Variants in ECT2 observed in about 807,000 individuals in gnomAD.
The protein encoded by ECT2 is protein ECT2.
In ECT2, 61 loss-of-function variants were observed where a neutral mutation model predicts 116.9. The observed-to-expected ratio is 0.52, with a 90% CI of 0.42 to 0.65. The LOEUF (loss-of-function observed/expected upper bound fraction) is 0.65. ECT2 is among the 30% of genes least tolerant of loss of function. ECT2 has a pLI of 0.00. For synonymous variants in ECT2, 358 were observed against 346.4 expected, an observed-to-expected ratio of 1.03 and a Z score of -0.37; for missense variants, 937 against 1,078.7, an observed-to-expected ratio of 0.87 and a Z score of 1.84.
chr3:172,772,440 C>T (rs1230531179), intron 13 of ECT2, among the ~76,000 whole-genome samples: 1 of 152,190 alleles, frequency 6.6e-6, no homozygotes. Context: ...TCGCGATCCG[C>T]CCACCTCGGC....
rs1717939728 is a variant in ECT2 at position 172,760,140 on chromosome 3, T to A, written c.577-16T>A. 1 of 1,567,478 alleles carries A rather than the reference T, an allele frequency of 6.4e-7. No individual in the cohort carries two copies. The highest frequency in any genetic ancestry group is 1.4e-5 in the African/African-American group (1 of 73,338). On this transcript the variant is annotated splice_polypyrimidine_tract_variant and intron_variant, in intron 6 of 24. Coordinates refer to ENST00000392692, the MANE Select transcript of ECT2 (RefSeq NM_001258315.2). The stretch of plus-strand genomic sequence containing the variant: ...AATTAACCATAAAGTCAGTGTTGCT[T>A]AATTTTTCTTTTGAGGTCAGGTTGG...
At position 172,754,591 on chromosome 3, in the gene ECT2, A is replaced by C. The variant is rs753599055; in HGVS notation, c.61A>C (p.Ile21Leu). Residue 21 changes from isoleucine to leucine, a missense_variant, in exon 2 of 25, where the codon ATT (isoleucine) becomes CTT (leucine). Coordinates refer to ENST00000392692, the MANE Select transcript of ECT2 (RefSeq NM_001258315.2). ...GAGGACTAGCTTGGCAGACTCTTCC[A>C]TTTTTGATTCTAAAGTTACTGAGAT... Reference protein sequence around the residue: ...TGRTSLADSSIFDSKVTEISK... With the variant: ...TGRTSLADSSLFDSKVTEISK... 1 of 1,611,894 alleles carries C rather than the reference A, an allele frequency of 6.2e-7. No individual in the cohort carries two copies. The highest frequency in any genetic ancestry group is 8.5e-7 in the Non-Finnish European group (1 of 1,178,714).
At chr3:172,751,192 C>T (rs1264774747) in intron 1 of ECT2, 1 of 152,336 alleles carries the variant, frequency 6.6e-6, no homozygotes, top group East Asian at 1.9e-4. Flanking sequence ...CCGGCACTTG[C>T]AGCCTTTGGG....
intron 21 of ECT2, among the ~76,000 whole-genome samples, chr3:172,807,329 G>C (rs561267631): frequency 6.6e-6 from 1 of 152,196 alleles, no homozygotes; most frequent in African/African-American, 2.4e-5. Context: ...TTTTCGGTCA[G>C]CAGTTGATTG....
At chr3:172,825,573 C>T (rs1259529147), downstream of ECT2, among the ~76,000 whole-genome samples, 1 of 152,108 alleles carries the variant, frequency 6.6e-6, no homozygotes, top group Admixed American at 6.5e-5. Flanking sequence ...TTTGAATGGT[C>T]TAGAGAGAAG....
intron 2 of ECT2, 32 bp from the exon 3 acceptor site, chr3:172,755,263 G>A (rs1716730841): frequency 6.5e-7 from 1 of 1,530,952 alleles, no homozygotes; most frequent in Non-Finnish European, 8.9e-7. Context: ...GTTAATACAT[G>A]ATAAACATTG....
intron 15 of ECT2, among the ~76,000 whole-genome samples, 198 bp from the exon 16 acceptor site, chr3:172,783,601 A>G (rs142380562): frequency 6.6e-6 from 1 of 152,150 alleles, no homozygotes; most frequent in East Asian, 1.9e-4. Context: ...ATGTATACCA[A>G]TTGATGTATT....
intron 11 of ECT2, 37 bp downstream of exon 11, chr3:172,763,009 C>A: frequency 6.3e-7 from 1 of 1,596,514 alleles, no homozygotes; most frequent in Non-Finnish European, 8.6e-7. Context: ...GTTCTGTGAG[C>A]TTGATTGTTT....
At chr3:172,768,901 C>T in intron 12 of ECT2, 106 bp from the exon 13 acceptor site, 1 of 1,269,174 alleles carries the variant, frequency 7.9e-7, no homozygotes, top group Non-Finnish European at 1.1e-6. Flanking sequence ...TATGGTGGTA[C>T]ATTTATAAGA....
At chr3:172,765,920 G>T (rs184421949) in intron 12 of ECT2, among the ~76,000 whole-genome samples, 1 of 152,114 alleles carries the variant, frequency 6.6e-6, no homozygotes, top group Non-Finnish European at 1.5e-5. Context: ...GGAAATCTGC[G>T]TGGATTGTCT....
intron 18 of ECT2, among the ~76,000 whole-genome samples, chr3:172,794,061 T>C (rs1453964124): frequency 1.3e-5 from 2 of 152,180 alleles, no homozygotes; most frequent in African/African-American, 4.8e-5. Context: ...TGTTTTTTTC[T>C]TTTGACAATT....
chr3:172,766,079 C>T (rs1419069559), intron 12 of ECT2, among the ~76,000 whole-genome samples: 1 of 152,120 alleles, frequency 6.6e-6, no homozygotes, highest in African/African-American at 2.4e-5. Flanking sequence ...AGAAAATGAA[C>T]CTTGTCTGTC....
chr3:172,808,054 C>A (rs895721248), intron 22 of ECT2, 130 bp downstream of exon 22: 1 of 870,760 alleles, frequency 1.1e-6, no homozygotes, highest in Non-Finnish European at 1.7e-6. Flanking sequence ...ATTAAAAAAA[C>A]TGATGTAATA....
chr3:172,811,015 AG>A (rs1728675273), intron 22 of ECT2, among the ~76,000 whole-genome samples: 1 of 152,198 alleles, frequency 6.6e-6, no homozygotes, highest in Admixed American at 6.5e-5. Flanking sequence ...TTGGAATTAT[AG>A]TAAGTATCTA....
intron 20 of ECT2, among the ~76,000 whole-genome samples, chr3:172,804,745 AT>A (rs1727367988): frequency 6.6e-6 from 1 of 152,020 alleles, no homozygotes; most frequent in South Asian, 2.1e-4. Flanking sequence ...CTTACTTTAA[AT>A]TTTTGATCTT....
At chr3:172,823,121 G>A (rs1730753368), downstream of ECT2, among the ~76,000 whole-genome samples, 1 of 151,714 alleles carries the variant, frequency 6.6e-6, no homozygotes, top group African/African-American at 2.4e-5. Context: ...ATAGAAAGAT[G>A]TAAAAAGGAT....
chr3:172,782,089 A>G lies in ECT2; in HGVS notation c.1549-74A>G, dbSNP rs923746747. ...TGTAAAGTGCTTCTTTCCAATGAGT[A>G]TCTCAGAAATAATAAAAGTTGTATA... On this transcript the variant is annotated intron_variant, in intron 14 of 24. Transcript: ENST00000392692. The G allele has an allele frequency of 2.1e-5, 17 of 803,110 alleles. No homozygotes were observed. In the South Asian group the frequency reaches 2.1e-4, roughly 10 times the overall value. The allele number at this position is 803,110 out of a possible 1,614,324, so 49.7% of individuals were successfully genotyped here. A position where few individuals can be genotyped will look rare whatever the true frequency, so the allele number is the denominator to read the frequency against.
intron 24 of ECT2, among the ~76,000 whole-genome samples, 191 bp from the exon 25 acceptor site, chr3:172,819,957 C>T (rs1211198157): frequency 1.3e-5 from 2 of 151,938 alleles, no homozygotes; most frequent in Non-Finnish European, 2.9e-5. Flanking sequence ...TCTCAGAATG[C>T]TATAATAGTT....
rs1016817877 is a variant in ECT2 at position 172,797,447 on chromosome 3, T to A, written c.1908-5169T>A. Among the ~76,000 whole-genome samples the A allele has an allele frequency of 2.0e-5, 3 of 152,340 alleles. No homozygotes were observed. The East Asian group carries it at 5.8e-4, about 29-fold the overall frequency. ...TGGGTTGATAACTCTTTGCTTCAGC[T>A]TTTTTCTGTCAGCTTTCATAACTGT... On this transcript the variant is annotated intron_variant, in intron 18 of 24. Coordinates refer to ENST00000392692, the MANE Select transcript of ECT2 (RefSeq NM_001258315.2).
Sources: allele counts gnomAD v4.1 joint callset (sites outside exome capture counted in the v4.1 genomes callset), GRCh38; gene constraint gnomAD v4.1.1; transcripts MANE v1.5; gene names NCBI Gene and HGNC (gene_info 2026-07-23, HGNC 2026-07-21).